CYTH3: variants seen among roughly 807,000 people sequenced by gnomAD.
CYTH3 encodes cytohesin 3.
CYTH3 carries 23 observed loss-of-function variants against 55.1 expected under a neutral mutation model. The ratio of observed to expected loss-of-function variants is 0.42; its 90% CI spans 0.30 to 0.59. The LOEUF (loss-of-function observed/expected upper bound fraction) is 0.59, where lower values mean the gene tolerates loss of function less well. Ranked by LOEUF, CYTH3 falls within the 20% of genes least tolerant of loss-of-function variation. The pLI is 0.20. For missense variants in CYTH3, 413 were observed against 524.8 expected (o/e 0.79, Z 2.08); for synonymous variants, 249 against 194.9 (o/e 1.28, Z -2.31).
intron 1 of CYTH3, among the ~76,000 whole-genome samples, chr7:6,205,234 C>G (rs1165121612): frequency 1.3e-5 from 2 of 152,040 alleles, no homozygotes; most frequent in African/African-American, 4.8e-5. Context: ...AAACACAATT[C>G]TAAATAAATC....
At chr7:6,242,364 C>T (rs1779696730) in intron 1 of CYTH3, among the ~76,000 whole-genome samples, 1 of 133,744 alleles carries the variant, frequency 7.5e-6, no homozygotes, top group South Asian at 2.4e-4. Flanking sequence ...ACATGAGCCA[C>T]CGCGCCTGGC....
intron 4 of CYTH3, among the ~76,000 whole-genome samples, chr7:6,184,874 G>T (rs1282528056): frequency 6.6e-6 from 1 of 152,184 alleles, no homozygotes; most frequent in African/African-American, 2.4e-5. Flanking sequence ...CACCGCACCA[G>T]GACTCAGTAG....
chr7:6,210,957 T>C (rs1784307360), intron 1 of CYTH3, among the ~76,000 whole-genome samples: 2 of 152,142 alleles, frequency 1.3e-5, no homozygotes, highest in African/African-American at 4.8e-5. Context: ...AATGGAGAAA[T>C]CGATATTCCG....
chr7:6,176,590 A>G (rs1043735626), intron 5 of CYTH3, among the ~76,000 whole-genome samples: 7 of 152,188 alleles, frequency 4.6e-5, no homozygotes, highest in Non-Finnish European at 1.0e-4. Flanking sequence ...ATTGTATATC[A>G]TGCAACCTTA....
At chr7:6,212,957 C>G (rs908187537) in intron 1 of CYTH3, among the ~76,000 whole-genome samples, 1 of 152,226 alleles carries the variant, frequency 6.6e-6, no homozygotes, top group Non-Finnish European at 1.5e-5. Flanking sequence ...ACAAGGTTTC[C>G]AATTTTCCAC....
At chr7:6,204,870 A>G (rs1364183322) in intron 1 of CYTH3, among the ~76,000 whole-genome samples, 3 of 152,230 alleles carry the variant, frequency 2.0e-5, no homozygotes, top group Non-Finnish European at 4.4e-5. Flanking sequence ...TCAATTGCAA[A>G]ACAGTGACTA....
chr7:6,233,508 T>G (rs1170736940), intron 1 of CYTH3, among the ~76,000 whole-genome samples: 1 of 151,960 alleles, frequency 6.6e-6, no homozygotes, highest in Non-Finnish European at 1.5e-5. Context: ...TACAAAAAAT[T>G]AGCTGGGCGT....
chr7:6,225,641 C>A (rs1322833380), intron 1 of CYTH3, among the ~76,000 whole-genome samples: 1 of 151,754 alleles, frequency 6.6e-6, no homozygotes, highest in Non-Finnish European at 1.5e-5. Flanking sequence ...CAGGTATGAG[C>A]CACCGAGCAT....
intron 1 of CYTH3, among the ~76,000 whole-genome samples, chr7:6,193,472 A>C (rs1044134442): frequency 1.3e-5 from 2 of 152,212 alleles, no homozygotes; most frequent in Non-Finnish European, 2.9e-5. Context: ...AAGAGAATGG[A>C]AACAGAAAGA....
chr7:6,196,399 CA>C (rs1232293917), intron 1 of CYTH3, among the ~76,000 whole-genome samples: 1 of 150,422 alleles, frequency 6.6e-6, no homozygotes, highest in African/African-American at 2.4e-5. Context: ...AGGCAGTTCT[CA>C]AATCTTCAAA....
In CYTH3 at chr7:6,202,345, C is replaced by T. The variant is rs1029705361; in HGVS notation, c.35-11814G>A. 1.9e-4 allele frequency among the ~76,000 whole-genome samples: 29 copies of T among 152,354 alleles called. 1 individual carries two copies. The highest frequency in any genetic ancestry group is 6.7e-4 in the African/African-American group (28 of 41,586). ...GAAGTCATCTGGGACGGGCTCAGCC[C>T]CCGGCTGGCCTTCCAGCTGAATATG... On this transcript the variant is annotated intron_variant, in intron 1 of 12. Coordinates refer to ENST00000350796, the MANE Select transcript of CYTH3 (RefSeq NM_004227.4).
chr7:6,259,770 TATTATATATATATA>T (rs1295907622), intron 1 of CYTH3, among the ~76,000 whole-genome samples: 6 of 22,688 alleles, frequency 2.6e-4, no homozygotes, highest in Non-Finnish European at 1.8e-4. Flanking sequence ...TATATATATA[TATTATATATATATA>T]ATATATATAT....
chr7:6,259,056 T>C (rs192076037), intron 1 of CYTH3, among the ~76,000 whole-genome samples: 1 of 152,348 alleles, frequency 6.6e-6, no homozygotes, highest in East Asian at 1.9e-4. Flanking sequence ...ATGTGTTTCA[T>C]ACGTATCTGT....
Position 6,272,538 on chromosome 7 carries a change from G to A in CYTH3, c.-31C>T, listed in dbSNP as rs1351385167. ...GGCCACTCCCGCAGCCGGCGAGCCG[G>A]GGGCCGGCAGCAGAGGGGCCGCGGG... On this transcript the variant is annotated 5_prime_UTR_variant, in exon 1 of 13. Coordinates refer to ENST00000350796, the MANE Select transcript of CYTH3 (RefSeq NM_004227.4). 113 of 1,311,802 alleles carry A rather than the reference G, an allele frequency of 8.6e-5. No individual in the cohort carries two copies. Among genetic ancestry groups the A allele is most frequent in the Non-Finnish European group, 8.4e-5 (86 of 1,018,198 alleles). The allele number at this position is 1,311,802 out of a possible 1,614,324, so 81.3% of individuals were successfully genotyped here.
At chr7:6,196,621 A>G (rs1383679816) in intron 1 of CYTH3, among the ~76,000 whole-genome samples, 1 of 151,994 alleles carries the variant, frequency 6.6e-6, no homozygotes, top group African/African-American at 2.4e-5. Context: ...CACCATGCCC[A>G]GCTAATTTTC....
At chr7:6,175,175 C>G (rs1783311743) in intron 5 of CYTH3, among the ~76,000 whole-genome samples, 2 of 152,060 alleles carry the variant, frequency 1.3e-5, no homozygotes, top group African/African-American at 4.8e-5. Context: ...CACTATGTTA[C>G]CCAGGATGGC....
intron 5 of CYTH3, among the ~76,000 whole-genome samples, chr7:6,176,742 G>A (rs981362664): frequency 2.6e-5 from 4 of 152,118 alleles, no homozygotes; most frequent in African/African-American, 4.8e-5. Flanking sequence ...CTGGCAAGGC[G>A]TGCCAGCACC....
intron 1 of CYTH3, among the ~76,000 whole-genome samples, chr7:6,228,350 A>G (rs1779303120): frequency 6.6e-6 from 1 of 152,218 alleles, no homozygotes; most frequent in African/African-American, 2.4e-5. Context: ...ATGGGACAGA[A>G]CAACATATGT....
chr7:6,263,804 A>G (rs1780416185), intron 1 of CYTH3, among the ~76,000 whole-genome samples: 1 of 147,860 alleles, frequency 6.8e-6, no homozygotes, highest in African/African-American at 2.5e-5. Context: ...AACTTCAGGA[A>G]AAAAAAAAAA....
Sources: gnomAD v4.1 joint callset for allele counts (sites outside exome capture counted in the v4.1 genomes callset) on GRCh38, gnomAD v4.1.1 for gene constraint, MANE v1.5 for transcripts, NCBI Gene and HGNC (gene_info 2026-07-23, HGNC 2026-07-21) for gene names.